Variants in PRRX1 observed in about 807,000 individuals in gnomAD.
PRRX1 encodes paired related homeobox 1, also known as paired mesoderm homeobox protein 1.
A neutral mutation model predicts 24.0 loss-of-function variants in PRRX1; 8 were observed. The observed-to-expected ratio is 0.33, with a 90% CI of 0.20 to 0.60. PRRX1 has a LOEUF of 0.60. PRRX1 is among the 20% of genes least tolerant of loss of function. The probability of loss-of-function intolerance (pLI) is 0.82; values close to 1 mark genes in which losing one functional copy is unlikely to be tolerated. For missense variants in PRRX1, 281 were observed against 322.4 expected (o/e 0.87, Z 0.98); for synonymous variants, 160 against 131.7 (o/e 1.22, Z -1.47).
rs143701750 is a variant in PRRX1, at chr1:170,671,390, C to T, written c.241+6931C>T. 4.8e-3 allele frequency among the ~76,000 whole-genome samples: 734 copies of T among 152,336 alleles called. 9 individuals are homozygous for T. Among genetic ancestry groups the T allele is most frequent in the Non-Finnish European group, 5.1e-3 (350 of 68,032 alleles). Reference sequence around the variant, plus strand: ...TTGGTTATAGTGGTGTGGTCTCTGCCTCGGCAAAGAAACAAACACCCCCAC... The same window carrying T: ...TTGGTTATAGTGGTGTGGTCTCTGCTTCGGCAAAGAAACAAACACCCCCAC... On this transcript the variant is annotated intron_variant, in intron 1 of 3. Coordinates refer to ENST00000239461, the MANE Select transcript of PRRX1 (RefSeq NM_022716.4).
In PRRX1 at chr1:170,696,965, T is replaced by C. The variant is rs564165065; in HGVS notation, c.242-22761T>C. ...AGCTAAATAAAACTATCCAAACTCC[T>C]GTGATTTTTGGAGGAGGTCATCTAC... On this transcript the variant is annotated intron_variant, in intron 1 of 3. Coordinates refer to ENST00000239461, the MANE Select transcript of PRRX1 (RefSeq NM_022716.4). Among the ~76,000 whole-genome samples, 238 of 152,284 alleles carry C rather than the reference T, an allele frequency of 1.6e-3. 1 individual carries two copies. The highest frequency in any genetic ancestry group is 1.9e-3 in the Non-Finnish European group (126 of 68,032).
intron 1 of PRRX1, among the ~76,000 whole-genome samples, chr1:170,700,457 T>C (rs1483898579): frequency 1.3e-5 from 2 of 152,184 alleles, no homozygotes; most frequent in Admixed American, 6.5e-5. Flanking sequence ...TCTAGTAATT[T>C]AGATACACGT....
intron 3 of PRRX1, among the ~76,000 whole-genome samples, chr1:170,733,632 T>G (rs1655513568): frequency 6.6e-6 from 1 of 152,142 alleles, no homozygotes; most frequent in African/African-American, 2.4e-5. Context: ...GTTTACAATT[T>G]CACTAATTGT....
chr1:170,697,519 A>G (rs1038863114), intron 1 of PRRX1, among the ~76,000 whole-genome samples: 1 of 151,792 alleles, frequency 6.6e-6, no homozygotes, highest in African/African-American at 2.4e-5. Flanking sequence ...TGCATCATTC[A>G]GAGGTTTTTC....
chr1:170,702,089 A>T (rs1654404091), intron 1 of PRRX1, among the ~76,000 whole-genome samples: 1 of 152,146 alleles, frequency 6.6e-6, no homozygotes, highest in Admixed American at 6.5e-5. Context: ...TATCATAAGG[A>T]ACCTGCAACC....
intron 1 of PRRX1, among the ~76,000 whole-genome samples, chr1:170,687,649 ATTGTGCCT>A (rs1407813512): frequency 6.6e-6 from 1 of 152,162 alleles, no homozygotes; most frequent in African/African-American, 2.4e-5. Context: ...TATGGTTAGC[ATTGTGCCT>A]CGTGTGTAGC....
chr1:170,683,696 A>C (rs1653631977), intron 1 of PRRX1, among the ~76,000 whole-genome samples: 1 of 152,346 alleles, frequency 6.6e-6, no homozygotes, highest in African/African-American at 2.4e-5. Context: ...GTTCTGCTTT[A>C]AATTCTGCAA....
chr1:170,675,337 C>A (rs1033791633), intron 1 of PRRX1, among the ~76,000 whole-genome samples: 6 of 152,128 alleles, frequency 3.9e-5, no homozygotes, highest in Non-Finnish European at 8.8e-5. Flanking sequence ...AGAACTACTG[C>A]TCCAAAAATC....
intron 1 of PRRX1, among the ~76,000 whole-genome samples, chr1:170,685,178 A>G (rs1653688225): frequency 1.3e-5 from 2 of 152,146 alleles, no homozygotes; most frequent in African/African-American, 4.8e-5. Context: ...AGCTTTCACT[A>G]ATGTCTTTAT....
In PRRX1 at chr1:170,729,182, C is replaced by T. The variant is rs555586478; in HGVS notation, c.599+2781C>T. Among the ~76,000 whole-genome samples the T allele has an allele frequency of 2.0e-5, 3 of 152,308 alleles. No individual in the cohort carries two copies. The East Asian group carries it at 5.8e-4, about 29-fold the overall frequency. On this transcript the variant is annotated intron_variant, in intron 3 of 3. Coordinates refer to ENST00000239461, the MANE Select transcript of PRRX1 (RefSeq NM_022716.4). ...CGACTATATTTTCATTCAAATTAAACCTTGCATTGTATTGAAAGTAGTAAA... is the reference window on the plus strand; with the variant it reads ...CGACTATATTTTCATTCAAATTAAATCTTGCATTGTATTGAAAGTAGTAAA...
intron 1 of PRRX1, among the ~76,000 whole-genome samples, chr1:170,718,848 T>C (rs535205258): frequency 6.6e-6 from 1 of 152,312 alleles, no homozygotes; most frequent in East Asian, 1.9e-4. Context: ...TACTACACTC[T>C]GACTGCTATG....
At chr1:170,676,717 A>C (rs574574905) in intron 1 of PRRX1, among the ~76,000 whole-genome samples, 1 of 152,144 alleles carries the variant, frequency 6.6e-6, no homozygotes, top group East Asian at 1.9e-4. Flanking sequence ...CTCTGACCCC[A>C]TTTTATTTAT....
chr1:170,684,092 CA>C (rs1188598459), intron 1 of PRRX1, among the ~76,000 whole-genome samples: 2 of 152,182 alleles, frequency 1.3e-5, no homozygotes, highest in Non-Finnish European at 2.9e-5. Context: ...TTGTGCCTCA[CA>C]TAGTTCATAT....
At chr1:170,730,009 C>T (rs914392914) in intron 3 of PRRX1, among the ~76,000 whole-genome samples, 4 of 152,142 alleles carry the variant, frequency 2.6e-5, no homozygotes, top group African/African-American at 9.7e-5. Flanking sequence ...GATGAAGTAG[C>T]CAAGAAACAT....
chr1:170,710,813 C>G (rs936818366), intron 1 of PRRX1, among the ~76,000 whole-genome samples: 2 of 152,178 alleles, frequency 1.3e-5, no homozygotes, highest in African/African-American at 4.8e-5. Flanking sequence ...GTTTGCAGGC[C>G]AGGAAGCAGG....
rs569459886 is a variant in PRRX1, at chr1:170,699,224, G to A, written c.242-20502G>A. On this transcript the variant is annotated intron_variant, in intron 1 of 3. Coordinates refer to ENST00000239461, the MANE Select transcript of PRRX1 (RefSeq NM_022716.4). Reference sequence around the variant, plus strand: ...TATGCAGGAGATAAATGCTCAGGCCGTCCGGCTGCCAATTTCAGCACATAA... The same window carrying A: ...TATGCAGGAGATAAATGCTCAGGCCATCCGGCTGCCAATTTCAGCACATAA... 9.2e-5 allele frequency among the ~76,000 whole-genome samples: 14 copies of A among 152,246 alleles called. 1 individual carries two copies. The South Asian group carries it at 2.5e-3, about 27-fold the overall frequency.
At chr1:170,699,082 A>G (rs943224060) in intron 1 of PRRX1, among the ~76,000 whole-genome samples, 4 of 152,220 alleles carry the variant, frequency 2.6e-5, no homozygotes, top group Non-Finnish European at 5.9e-5. Context: ...AACTGATGCC[A>G]GTTGCAAATA....
chr1:170,723,250 A>G (rs1655146628), intron 2 of PRRX1, among the ~76,000 whole-genome samples: 1 of 152,226 alleles, frequency 6.6e-6, no homozygotes, highest in South Asian at 2.1e-4. Flanking sequence ...CATGCTGCAC[A>G]GCTCTACAGG....
chr1:170,735,193 C>T (rs1017715462), intron 3 of PRRX1, among the ~76,000 whole-genome samples: 2 of 152,124 alleles, frequency 1.3e-5, no homozygotes, highest in Non-Finnish European at 2.9e-5. Flanking sequence ...AACAGAAACC[C>T]ACCAATGATA....
Sources: gnomAD v4.1 joint callset for allele counts (sites outside exome capture counted in the v4.1 genomes callset) on GRCh38, gnomAD v4.1.1 for gene constraint, MANE v1.5 for transcripts, NCBI Gene and HGNC (gene_info 2026-07-23, HGNC 2026-07-21) for gene names.